SNAP25: variants seen among roughly 807,000 people sequenced by gnomAD.
SNAP25 encodes synaptosomal-associated protein 25.
SNAP25 carries 3 observed loss-of-function variants against 28.7 expected under a neutral mutation model. That is an observed-to-expected ratio of 0.10 (90% CI 0.05 to 0.27). The LOEUF is 0.27. Ranked by LOEUF, SNAP25 falls within the 10% of genes least tolerant of loss-of-function variation. SNAP25 has a pLI of 1.00. For synonymous variants in SNAP25, 61 were observed against 88.1 expected (o/e 0.69, Z 1.72); for missense variants, 117 against 278.7 (o/e 0.42, Z 4.13).
intron 4 of SNAP25, among the ~76,000 whole-genome samples, chr20:10,290,904 G>C (rs1044553023): frequency 6.6e-6 from 1 of 152,014 alleles, no homozygotes; most frequent in Non-Finnish European, 1.5e-5. Context: ...TTCATCTGAT[G>C]ATGAGTTCCT....
intron 6 of SNAP25, among the ~76,000 whole-genome samples, chr20:10,299,051 T>C (rs951135655): frequency 6.6e-6 from 1 of 152,164 alleles, no homozygotes; most frequent in African/African-American, 2.4e-5. Context: ...CTATTTAATA[T>C]ACCTTCTTTA....
chr20:10,235,449 T>G (rs914764485), intron 1 of SNAP25, among the ~76,000 whole-genome samples: 1 of 152,206 alleles, frequency 6.6e-6, no homozygotes, highest in Admixed American at 6.5e-5. Context: ...TTTTGAGATA[T>G]CTGCAACAAC....
rs369708395 is a variant in SNAP25, at chr20:10,263,309, G to T, written c.-63-12120G>T. Among the ~76,000 whole-genome samples the T allele has an allele frequency of 1.6e-3, 238 of 151,390 alleles. 4 individuals are homozygous for T. In the South Asian group the frequency reaches 0.048, roughly 30 times the overall value. On this transcript the variant is annotated intron_variant, in intron 1 of 7. Coordinates refer to ENST00000254976, the MANE Select transcript of SNAP25 (RefSeq NM_130811.4). ...GCTGGGATTACAGGCGTGAGCCACC[G>T]CACCAGGCCAACCCTGGGGTATTCT...
At chr20:10,290,088 G>A (rs1012527755) in intron 4 of SNAP25, among the ~76,000 whole-genome samples, 1 of 152,062 alleles carries the variant, frequency 6.6e-6, no homozygotes, top group Non-Finnish European at 1.5e-5. Flanking sequence ...ACTGGATGGT[G>A]CGTTGCATCA....
At chr20:10,238,676 G>A (rs749759412) in intron 1 of SNAP25, among the ~76,000 whole-genome samples, 4 of 152,124 alleles carry the variant, frequency 2.6e-5, no homozygotes, top group African/African-American at 4.8e-5. Flanking sequence ...TTGAGAGGCC[G>A]AGGCAGGTGG....
At chr20:10,237,151 A>G (rs1293361241) in intron 1 of SNAP25, among the ~76,000 whole-genome samples, 1 of 152,030 alleles carries the variant, frequency 6.6e-6, no homozygotes, top group Admixed American at 6.5e-5. Context: ...ATTCAAAGAA[A>G]GTCAGTACAG....
chr20:10,235,932 G>T (rs1255263451), intron 1 of SNAP25, among the ~76,000 whole-genome samples: 1 of 152,206 alleles, frequency 6.6e-6, no homozygotes, highest in Admixed American at 6.5e-5. Context: ...GGCTACATTT[G>T]CTATTATCTC....
At chr20:10,234,129 G>A (rs539057393) in intron 1 of SNAP25, among the ~76,000 whole-genome samples, 5 of 152,192 alleles carry the variant, frequency 3.3e-5, no homozygotes, top group East Asian at 1.9e-4. Context: ...TTTATTCTGC[G>A]TCTGTTTAAT....
chr20:10,283,256 A>C (rs1196535156), intron 3 of SNAP25, among the ~76,000 whole-genome samples: 7 of 152,386 alleles, frequency 4.6e-5, no homozygotes, highest in Admixed American at 3.9e-4. Context: ...TTTAACGCAC[A>C]TACTTCCTCA....
At position 10,293,609 on chromosome 20, in the gene SNAP25, A is replaced by C. The variant is rs1038781983; in HGVS notation, c.281+331A>C. ...GAACTTCCTTTTCCCCAACCCCAAG[A>C]GTCAAAATTACAGATTTAGAAAAGG... On this transcript the variant is annotated intron_variant, in intron 5 of 7. Transcript: ENST00000254976. This position sits in a 1 kb window ranked among gnomAD's most constrained non-coding sequence, Gnocchi z 5.6. 2.6e-5 allele frequency among the ~76,000 whole-genome samples: 4 copies of C among 152,228 alleles called. No homozygotes were observed. The highest frequency in any genetic ancestry group is 5.9e-5 in the Non-Finnish European group (4 of 68,038).
At chr20:10,267,560 G>T (rs899402835) in intron 1 of SNAP25, among the ~76,000 whole-genome samples, 1 of 152,022 alleles carries the variant, frequency 6.6e-6, no homozygotes, top group Admixed American at 6.6e-5. Context: ...TTGTTTCTTT[G>T]TTTGTTTTTT....
chr20:10,297,875 T>G (rs988768810), intron 6 of SNAP25, among the ~76,000 whole-genome samples: 1 of 151,974 alleles, frequency 6.6e-6, no homozygotes, highest in Non-Finnish European at 1.5e-5. Flanking sequence ...GGAGTGAAAA[T>G]AGAGAATAAT....
chr20:10,283,441 C>T (rs528470457), intron 3 of SNAP25, among the ~76,000 whole-genome samples: 181 of 152,302 alleles, frequency 1.2e-3, no homozygotes, highest in Non-Finnish European at 2.2e-3. Flanking sequence ...TGGGCCAGCC[C>T]TGTCCATACT....
At chr20:10,219,243 G>C (rs752110074) in intron 1 of SNAP25, 1 of 152,192 alleles carries the variant, frequency 6.6e-6, no homozygotes, top group Non-Finnish European at 1.5e-5. Context: ...TTACTCTTTT[G>C]AAACAGTAGT....
At chr20:10,237,068 C>T (rs1354231666) in intron 1 of SNAP25, among the ~76,000 whole-genome samples, 3 of 152,044 alleles carry the variant, frequency 2.0e-5, no homozygotes, top group Non-Finnish European at 4.4e-5. Flanking sequence ...TAGTGAAGGA[C>T]GAGGGTGCAC....
chr20:10,268,078 G>A (rs950268768), intron 1 of SNAP25, among the ~76,000 whole-genome samples: 1 of 152,160 alleles, frequency 6.6e-6, no homozygotes, highest in Non-Finnish European at 1.5e-5. Context: ...TATATGAAAA[G>A]CACTTAAAAT....
intron 1 of SNAP25, among the ~76,000 whole-genome samples, chr20:10,229,977 C>G (rs1352819273): frequency 6.6e-6 from 1 of 152,060 alleles, no homozygotes; most frequent in African/African-American, 2.4e-5. Flanking sequence ...AGTTCTACTC[C>G]AAGATTAGAC....
At chr20:10,287,941 T>C (rs185487933) in intron 4 of SNAP25, among the ~76,000 whole-genome samples, 2,419 of 150,834 alleles carry the variant, frequency 0.016, 26 homozygotes, top group Non-Finnish European at 0.024. Context: ...TTCTCACTCA[T>C]AGATGGGAAT....
chr20:10,247,436 C>A (rs1234450974), intron 1 of SNAP25, among the ~76,000 whole-genome samples: 1 of 152,240 alleles, frequency 6.6e-6, no homozygotes, highest in Non-Finnish European at 1.5e-5. Flanking sequence ...TAGACCAACA[C>A]AGGCATTAAA....
Sources: gnomAD v4.1 joint callset for allele counts (sites outside exome capture counted in the v4.1 genomes callset) on GRCh38, gnomAD v4.1.1 for gene constraint, Gnocchi (gnomAD v3.1) non-coding constraint, MANE v1.5 for transcripts, NCBI Gene and HGNC (gene_info 2026-07-23, HGNC 2026-07-21) for gene names.